GSDME: variants seen among roughly 807,000 people sequenced by gnomAD.
GSDME encodes the protein gasdermin E.
A neutral mutation model predicts 47.5 loss-of-function variants in GSDME; 44 were observed. That is an observed-to-expected ratio of 0.93 (90% CI 0.73 to 1.19). The LOEUF is 1.19. Ranked by LOEUF, GSDME falls within the 50% of genes most tolerant of loss-of-function variation. GSDME has a pLI of 0.00. For missense variants in GSDME, 663 were observed against 604.2 expected (o/e 1.10, Z -1.02); for synonymous variants, 258 against 252.8 (o/e 1.02, Z -0.20).
At chr7:24,764,652 C>CA in the GSDME span, among the ~76,000 whole-genome samples, 1 of 152,194 alleles carries the variant, frequency 6.6e-6, no homozygotes, top group Non-Finnish European at 1.5e-5. This position sits in a 1 kb window ranked among gnomAD's most constrained non-coding sequence, Gnocchi z 4.4. Flanking sequence ...TAAGACATGG[C>CA]TGTTTGATGA....
At chr7:24,765,450 T>A in the GSDME span, among the ~76,000 whole-genome samples, 1 of 152,250 alleles carries the variant, frequency 6.6e-6, no homozygotes, top group Non-Finnish European at 1.5e-5. Flanking sequence ...TATAGTGAAC[T>A]GTAACCTCAC....
chr7:24,761,815 G>A (rs1562722179), upstream of GSDME, among the ~76,000 whole-genome samples: 1 of 152,188 alleles, frequency 6.6e-6, no homozygotes, highest in East Asian at 1.9e-4. The surrounding 1 kb of genome is among the most constrained non-coding windows in gnomAD (Gnocchi z 4.4). Context: ...GAAGTCTTAT[G>A]ACATAATCTC....
Position 24,735,046 on chromosome 7 carries a change from GC to G in GSDME, c.404+9515del, listed in dbSNP as rs2128059522. Among the ~76,000 whole-genome samples, 1 of 152,282 alleles carries G rather than the reference GC, an allele frequency of 6.6e-6. No individual in the cohort carries two copies. Among genetic ancestry groups the G allele is most frequent in the Non-Finnish European group, 1.5e-5 (1 of 68,012 alleles). ...CAAGGATAAAGAAAGGATCCTAAAA[GC>G]AGCAAGAAACTAACTGCATACAATG... is the stretch of plus-strand genomic sequence containing the variant. On this transcript the variant is annotated intron_variant, in intron 3 of 9. Transcript: ENST00000645220. This position sits in a 1 kb window ranked among gnomAD's most constrained non-coding sequence, Gnocchi z 4.4.
At chr7:24,786,366 G>A in the GSDME span, among the ~76,000 whole-genome samples, 2 of 152,226 alleles carry the variant, frequency 1.3e-5, no homozygotes, top group South Asian at 2.1e-4. The surrounding 1 kb of genome is among the most constrained non-coding windows in gnomAD (Gnocchi z 5.5). Context: ...TGTATCTTGT[G>A]TTGTAGCACA....
chr7:24,706,321 T>TTCAGCTCCCCCAGCACCGCCACTGTGGGC lies in GSDME; in HGVS notation c.1017_1045dup (p.Lys349SerfsTer10). On this transcript the variant is annotated stop_gained and frameshift_variant, in exon 8 of 10. Coordinates refer to ENST00000645220, the MANE Select transcript of GSDME (RefSeq NM_001127453.2). LOFTEE classifies it high-confidence loss of function. ...CACAAGGTCCTGCTGCTGCCGGGGCTTCAGCTCCCCCAGCACCGCCACTGT... is the reference window on the plus strand; with the variant it reads ...CACAAGGTCCTGCTGCTGCCGGGGCTTCAGCTCCCCCAGCACCGCCACTGTGGGCTCAGCTCCCCCAGCACCGCCACTGT... 2 of 1,613,546 alleles carry TTCAGCTCCCCCAGCACCGCCACTGTGGGC rather than the reference T, an allele frequency of 1.2e-6. No homozygotes were observed. Among genetic ancestry groups the TTCAGCTCCCCCAGCACCGCCACTGTGGGC allele is most frequent in the Non-Finnish European group, 1.7e-6 (2 of 1,179,912 alleles).
intron 3 of GSDME, among the ~76,000 whole-genome samples, chr7:24,734,321 G>A (rs185105548): frequency 6.6e-6 from 1 of 152,280 alleles, no homozygotes; most frequent in East Asian, 1.9e-4. Flanking sequence ...TAAGAAGGAT[G>A]GGTATAAACA....
In GSDME at chr7:24,728,292, G is replaced by A. The variant is rs946484784; in HGVS notation, c.405-9074C>T. Reference sequence around the variant, plus strand: ...AACTTGAGCTGCCAGGACAGATGGCGGCTGCCACAGGGGCCCACAGAGCCA... The same window carrying A: ...AACTTGAGCTGCCAGGACAGATGGCAGCTGCCACAGGGGCCCACAGAGCCA... On this transcript the variant is annotated intron_variant, in intron 3 of 9. Transcript: ENST00000645220. The surrounding 1 kb of genome is among the most constrained non-coding windows in gnomAD (Gnocchi z 7.2). Among the ~76,000 whole-genome samples, 8 of 152,182 alleles carry A rather than the reference G, an allele frequency of 5.3e-5. No individual in the cohort carries two copies. The highest frequency in any genetic ancestry group is 1.3e-4 in the Admixed American group (2 of 15,282).
At chr7:24,709,068 T>C (rs995574838) in intron 6 of GSDME, among the ~76,000 whole-genome samples, 10 of 152,234 alleles carry the variant, frequency 6.6e-5, no homozygotes, top group African/African-American at 2.4e-4. Flanking sequence ...CTAGCAGTTG[T>C]ATAAAGCCCC....
At chr7:24,731,969 C>T (rs1479683560) in intron 3 of GSDME, among the ~76,000 whole-genome samples, 1 of 152,188 alleles carries the variant, frequency 6.6e-6, no homozygotes, top group African/African-American at 2.4e-5. Flanking sequence ...ATACCTCCAC[C>T]TGCCAATACC....
At chr7:24,768,237 G>A in the GSDME span, among the ~76,000 whole-genome samples, 1 of 152,340 alleles carries the variant, frequency 6.6e-6, no homozygotes, top group East Asian at 1.9e-4. The surrounding 1 kb of genome is among the most constrained non-coding windows in gnomAD (Gnocchi z 5.6). Flanking sequence ...TGGTGTGCAG[G>A]GGAGAGGATT....
Position 24,733,125 on chromosome 7 carries a change from C to T in GSDME, c.404+11437G>A, listed in dbSNP as rs1188684108. ...GGGCACCAGGCAGAGTTGTGAGGCC[C>T]CCACTGCAGACCCTAGCTGCCAGAC... On this transcript the variant is annotated intron_variant, in intron 3 of 9. Transcript: ENST00000645220. This position sits in a 1 kb window ranked among gnomAD's most constrained non-coding sequence, Gnocchi z 4.3. 1.3e-5 allele frequency among the ~76,000 whole-genome samples: 2 copies of T among 152,040 alleles called. No homozygotes were observed. The highest frequency in any genetic ancestry group is 2.9e-5 in the Non-Finnish European group (2 of 68,014).
chr7:24,710,304 C>G lies in GSDME; in HGVS notation c.782G>C (p.Arg261Pro), dbSNP rs550014047. 8.1e-6 allele frequency: 13 copies of G among 1,614,094 alleles called. No homozygotes were observed. In the South Asian group the frequency reaches 8.8e-5, roughly 11 times the overall value. Residue 261 changes from arginine (R) to proline (P), a missense_variant, in exon 6 of 10, where the codon CGA becomes CCA. Physicochemically the swap from Arg to Pro is moderately radical, Grantham distance 103 (BLOSUM62 -2). Coordinates refer to ENST00000645220, the MANE Select transcript of GSDME (RefSeq NM_001127453.2). Reference protein sequence around the residue: ...DSVYLDPLVFREFAFIDMPDA... With the variant: ...DSVYLDPLVFPEFAFIDMPDA... Reference sequence around the variant, plus strand: ...TGGCATGTCTATGAATGCAAACTCTCGAAAGACCAGGGGGTCCAGGTAGAC... The same window carrying G: ...TGGCATGTCTATGAATGCAAACTCTGGAAAGACCAGGGGGTCCAGGTAGAC...
the GSDME span, among the ~76,000 whole-genome samples, chr7:24,791,042 C>T: frequency 6.6e-6 from 1 of 152,052 alleles, no homozygotes; most frequent in Non-Finnish European, 1.5e-5. This position sits in a 1 kb window ranked among gnomAD's most constrained non-coding sequence, Gnocchi z 4.8. Context: ...CAGGGCTTGT[C>T]GTCTTCTTCA....
At chr7:24,788,533 T>C in the GSDME span, among the ~76,000 whole-genome samples, 1 of 152,166 alleles carries the variant, frequency 6.6e-6, no homozygotes, top group Non-Finnish European at 1.5e-5. This position sits in a 1 kb window ranked among gnomAD's most constrained non-coding sequence, Gnocchi z 4.6. Flanking sequence ...GGATTCTGTT[T>C]CCTGCAGGGG....
chr7:24,710,394 G>A lies in GSDME; in HGVS notation c.698-6C>T, dbSNP rs1789305991. On this transcript the variant is annotated splice_region_variant and splice_polypyrimidine_tract_variant and intron_variant, in intron 5 of 9. Transcript: ENST00000645220. The stretch of plus-strand genomic sequence containing the variant: ...CCCTCGGAGAAGGCAGAACTCTGTA[G>A]TGCAGGAGAAAAGGACAAGTTAGGT... 5 of 1,614,202 alleles carry A rather than the reference G, an allele frequency of 3.1e-6. No individual in the cohort carries two copies. Among genetic ancestry groups the A allele is most frequent in the Non-Finnish European group, 4.2e-6 (5 of 1,180,024 alleles).
chr7:24,734,276 C>T (rs1216062790), intron 3 of GSDME, among the ~76,000 whole-genome samples: 1 of 152,198 alleles, frequency 6.6e-6, no homozygotes, highest in East Asian at 1.9e-4. Context: ...TGGATGACAA[C>T]ACCCAAGTAC....
At chr7:24,717,221 G>A in intron 5 of GSDME, 33 bp downstream of exon 5, 1 of 1,613,676 alleles carries the variant, frequency 6.2e-7, no homozygotes, top group Non-Finnish European at 8.5e-7. Flanking sequence ...CTCTGCTGGG[G>A]ATCCCTCAGC....
chr7:24,698,523 T>G lies in GSDME; in HGVS notation c.*503A>C. 1 of 186,934 alleles carries G rather than the reference T, an allele frequency of 5.3e-6. No homozygotes were observed. Among genetic ancestry groups the G allele is most frequent in the Admixed American group, 5.4e-5 (1 of 18,402 alleles). 11.6% of individuals were successfully genotyped at this position (186,934 alleles called of 1,614,324 possible). A position where few individuals can be genotyped will look rare whatever the true frequency, so the allele number is the denominator to read the frequency against. ...TGTTAGATTTTTTTGAAGTTTAATT[T>G]TGTTCAGCAGAGGAATATACTCTAG... On this transcript the variant is annotated 3_prime_UTR_variant, in exon 10 of 10. Coordinates refer to ENST00000645220, the MANE Select transcript of GSDME (RefSeq NM_001127453.2).
At chr7:24,703,059 G>T in intron 8 of GSDME, 1 of 454,398 alleles carries the variant, frequency 2.2e-6, no homozygotes, top group Non-Finnish European at 4.2e-6. Context: ...TTCCACAGAG[G>T]ATACTCCTTG....
Sources: allele counts gnomAD v4.1 joint callset (sites outside exome capture counted in the v4.1 genomes callset), GRCh38; gene constraint gnomAD v4.1.1; non-coding constraint Gnocchi (gnomAD v3.1); transcripts MANE v1.5; gene names NCBI Gene and HGNC (gene_info 2026-07-23, HGNC 2026-07-21).